The following MYOZ2 variants were observed in gnomAD, a reference collection of about 807,000 sequenced individuals.
The protein encoded by MYOZ2 is myozenin-2.
In MYOZ2, 19 loss-of-function variants were observed where a neutral mutation model predicts 25.4. The observed-to-expected ratio is 0.75, with a 90% CI of 0.52 to 1.10. The LOEUF is 1.10. Among genes scored for constraint, MYOZ2 ranks in the 50% least tolerant of loss-of-function variants. The pLI is 0.00. For synonymous variants in MYOZ2, 92 were observed against 106.9 expected, an observed-to-expected ratio of 0.86 and a Z score of 0.86; for missense variants, 270 against 317.9, an observed-to-expected ratio of 0.85 and a Z score of 1.15.
At chr4:119,160,049 C>T (rs1017401501) in intron 4 of MYOZ2, among the ~76,000 whole-genome samples, 1 of 152,180 alleles carries the variant, frequency 6.6e-6, no homozygotes, top group African/African-American at 2.4e-5. Context: ...CCCTATGGCT[C>T]TTCCCATTTT....
intron 5 of MYOZ2, among the ~76,000 whole-genome samples, chr4:119,170,003 G>A (rs1366542418): frequency 6.6e-6 from 1 of 151,948 alleles, no homozygotes; most frequent in African/African-American, 2.4e-5. Flanking sequence ...TGTCATGGTG[G>A]TGGTGATATA....
intron 2 of MYOZ2, among the ~76,000 whole-genome samples, chr4:119,139,882 G>T (rs1741124843): frequency 6.6e-6 from 1 of 152,104 alleles, no homozygotes; most frequent in Non-Finnish European, 1.5e-5. Flanking sequence ...TTGTTTGTTT[G>T]TTTTTTTCTC....
chr4:119,138,643 T>G (rs1741090358), intron 2 of MYOZ2, among the ~76,000 whole-genome samples: 1 of 152,184 alleles, frequency 6.6e-6, no homozygotes, highest in African/African-American at 2.4e-5. Context: ...GGATTGTCCT[T>G]TATAAAGATA....
intron 5 of MYOZ2, among the ~76,000 whole-genome samples, chr4:119,166,492 G>GGA: frequency 6.7e-6 from 1 of 148,984 alleles, no homozygotes; most frequent in Middle Eastern, 3.5e-3. Flanking sequence ...CTGGGCAATG[G>GGA]GAGAGAGACC....
At chr4:119,161,699 A>C (rs941567333) in intron 4 of MYOZ2, among the ~76,000 whole-genome samples, 1 of 152,144 alleles carries the variant, frequency 6.6e-6, no homozygotes, top group Non-Finnish European at 1.5e-5. Context: ...AAATGGGAAA[A>C]GATTACATAA....
intron 5 of MYOZ2, among the ~76,000 whole-genome samples, chr4:119,165,549 T>C (rs1741805071): frequency 6.6e-6 from 1 of 151,948 alleles, no homozygotes; most frequent in Non-Finnish European, 1.5e-5. Flanking sequence ...AAATAAATAT[T>C]GTACTATTAA....
intron 5 of MYOZ2, among the ~76,000 whole-genome samples, chr4:119,176,297 T>G (rs564349280): frequency 5.9e-4 from 89 of 151,392 alleles, no homozygotes; most frequent in African/African-American, 1.9e-3. Flanking sequence ...CTCGGCTCAC[T>G]GCAACCTCCA....
At chr4:119,139,424 G>C (rs948560242) in intron 2 of MYOZ2, among the ~76,000 whole-genome samples, 1 of 152,164 alleles carries the variant, frequency 6.6e-6, no homozygotes, top group African/African-American at 2.4e-5. Context: ...GTGGAGACAA[G>C]AAAAGATGGC....
chr4:119,142,541 A>G (rs2149219084), intron 2 of MYOZ2, among the ~76,000 whole-genome samples: 1 of 152,290 alleles, frequency 6.6e-6, no homozygotes, highest in East Asian at 1.9e-4. Context: ...GCTGACGAGC[A>G]ACTCCCGGGA....
intron 5 of MYOZ2, among the ~76,000 whole-genome samples, chr4:119,167,938 A>G (rs1191731433): frequency 6.6e-6 from 1 of 152,210 alleles, no homozygotes; most frequent in Non-Finnish European, 1.5e-5. Flanking sequence ...TGGTCACCCA[A>G]GAGCTCTGAT....
chr4:119,156,380 A>G (rs1003551081), intron 3 of MYOZ2, among the ~76,000 whole-genome samples: 5 of 151,846 alleles, frequency 3.3e-5, no homozygotes, highest in Admixed American at 2.6e-4. Context: ...AGCTTAGGGT[A>G]CATCTTTAAA....
intron 5 of MYOZ2, among the ~76,000 whole-genome samples, chr4:119,182,901 TG>T (rs1318146392): frequency 6.6e-6 from 1 of 152,160 alleles, no homozygotes; most frequent in Non-Finnish European, 1.5e-5. Flanking sequence ...AAAATCTGTT[TG>T]GGGAGGGAAA....
At chr4:119,150,705 A>G (rs1741427062) in intron 2 of MYOZ2, among the ~76,000 whole-genome samples, 167 bp from the exon 3 acceptor site, 1 of 152,080 alleles carries the variant, frequency 6.6e-6, no homozygotes, top group African/African-American at 2.4e-5. Flanking sequence ...AGGTATTAGT[A>G]TTATTAGCTC....
At chr4:119,160,171 G>T (rs559509907) in intron 4 of MYOZ2, among the ~76,000 whole-genome samples, 1 of 152,088 alleles carries the variant, frequency 6.6e-6, no homozygotes, top group Non-Finnish European at 1.5e-5. Flanking sequence ...AAGTGTGATG[G>T]TATGCGAATA....
intron 4 of MYOZ2, among the ~76,000 whole-genome samples, chr4:119,160,926 AATTTATAT>A (rs1180701045): frequency 4.6e-5 from 3 of 64,982 alleles, no homozygotes; most frequent in African/African-American, 1.8e-4. Context: ...TTTGTATATA[AATTTATAT>A]ATAAATAACT....
intron 2 of MYOZ2, among the ~76,000 whole-genome samples, chr4:119,137,008 G>T (rs1050193397): frequency 2.9e-4 from 44 of 151,980 alleles, no homozygotes; most frequent in African/African-American, 1.1e-3. Flanking sequence ...CTCAAAATAA[G>T]TTCTATCATC....
At chr4:119,184,689 A>G (rs1742256982) in intron 5 of MYOZ2, among the ~76,000 whole-genome samples, 1 of 152,246 alleles carries the variant, frequency 6.6e-6, no homozygotes, top group Non-Finnish European at 1.5e-5. Context: ...CTGGCACTGA[A>G]TGAGTAATCA....
intron 5 of MYOZ2, among the ~76,000 whole-genome samples, chr4:119,172,203 C>A (rs946994540): frequency 6.6e-6 from 1 of 152,182 alleles, no homozygotes; most frequent in African/African-American, 2.4e-5. Flanking sequence ...AGGCTTGTAA[C>A]CCCCCAAAGG....
intron 2 of MYOZ2, among the ~76,000 whole-genome samples, chr4:119,144,657 A>G (rs920486624): frequency 6.6e-6 from 1 of 152,166 alleles, no homozygotes; most frequent in Non-Finnish European, 1.5e-5. Flanking sequence ...GTGTATAGTG[A>G]TATATCATTG....
Sources: allele counts gnomAD v4.1 joint callset (sites outside exome capture counted in the v4.1 genomes callset), GRCh38; gene constraint gnomAD v4.1.1; transcripts MANE v1.5; gene names NCBI Gene and HGNC (gene_info 2026-07-23, HGNC 2026-07-21).